The following ENOX1 variants were observed in gnomAD, a reference collection of about 807,000 sequenced individuals.
The protein encoded by ENOX1 is ecto-NOX disulfide-thiol exchanger 1.
Under a neutral mutation model 82.5 loss-of-function variants are expected in ENOX1, and 42 were observed. The ratio of observed to expected loss-of-function variants is 0.51; its 90% CI spans 0.40 to 0.66. The LOEUF is 0.66. Ranked by LOEUF, ENOX1 falls within the 30% of genes least tolerant of loss-of-function variation. ENOX1 has a pLI of 0.00. For missense variants in ENOX1, 608 were observed against 811.6 expected (o/e 0.75, Z 3.05); for synonymous variants, 271 against 282.2 (o/e 0.96, Z 0.40).
At chr13:43,744,899 C>T (rs1949936113) in intron 1 of ENOX1, among the ~76,000 whole-genome samples, 1 of 152,202 alleles carries the variant, frequency 6.6e-6, no homozygotes, top group Non-Finnish European at 1.5e-5. Context: ...ATTACATCTA[C>T]AATGCATCTT....
Position 43,540,760 on chromosome 13 carries a change from A to G in ENOX1, c.-218-56608T>C, listed in dbSNP as rs1428433815. ...ATTGTTTATTCAGTCAGCTGTGGCC[A>G]AAACTAATTAGAGGAGGCAAGAATG... On this transcript the variant is annotated intron_variant, in intron 2 of 16. Transcript: ENST00000690772. 3.9e-5 allele frequency among the ~76,000 whole-genome samples: 6 copies of G among 152,214 alleles called. No homozygotes were observed. In the East Asian group the frequency reaches 9.6e-4, roughly 24 times the overall value.
rs901433783 is a variant in ENOX1 at position 43,288,394 on chromosome 13, C to T, written c.1446+9952G>A. Among the ~76,000 whole-genome samples, 14 of 152,122 alleles carry T rather than the reference C, an allele frequency of 9.2e-5. No homozygotes were observed. In the East Asian group the frequency reaches 9.6e-4, roughly 10 times the overall value. ...AAGAAAGAAACTTAATCTGGGTTGT[C>T]GAAGAATCAGATAAACATGGGGTAT... On this transcript the variant is annotated intron_variant, in intron 12 of 16. Transcript: ENST00000690772.
intron 14 of ENOX1, among the ~76,000 whole-genome samples, chr13:43,254,005 C>A (rs540196320): frequency 6.6e-6 from 1 of 152,338 alleles, no homozygotes; most frequent in South Asian, 2.1e-4. Flanking sequence ...TTTGTATATG[C>A]ATCCCTTGTT....
Position 43,708,730 on chromosome 13 carries a change from A to G in ENOX1, c.-284-41186T>C, listed in dbSNP as rs774793144. 3.9e-4 allele frequency among the ~76,000 whole-genome samples: 59 copies of G among 152,230 alleles called. 2 individuals carry two copies. Among genetic ancestry groups the G allele is most frequent in the Admixed American group, 2.0e-4 (3 of 15,286 alleles). ...AATGAATAAATAGGCCTCACAATAT[A>G]TAGGTAAAGTAACCCAGGACGATTC... On this transcript the variant is annotated intron_variant, in intron 1 of 16. Coordinates refer to ENST00000690772, the MANE Select transcript of ENOX1 (RefSeq NM_001347969.2).
intron 8 of ENOX1, 74 bp downstream of exon 8, chr13:43,355,845 G>A: frequency 7.1e-7 from 1 of 1,400,338 alleles, no homozygotes; most frequent in Non-Finnish European, 9.9e-7. Context: ...AATGGTGGAC[G>A]CAGGAGAAAC....
At chr13:43,646,560 T>C (rs1294396389) in intron 2 of ENOX1, among the ~76,000 whole-genome samples, 1 of 152,200 alleles carries the variant, frequency 6.6e-6, no homozygotes, top group Non-Finnish European at 1.5e-5. Flanking sequence ...TGGTGGCCAC[T>C]GTTGGGTTAT....
At chr13:43,365,215 T>C (rs1018953918) in intron 5 of ENOX1, among the ~76,000 whole-genome samples, 3 of 152,184 alleles carry the variant, frequency 2.0e-5, no homozygotes, top group African/African-American at 4.8e-5. Flanking sequence ...AGATGAGAAC[T>C]AGATTTCATT....
At chr13:43,501,149 A>G (rs1298721511) in intron 2 of ENOX1, among the ~76,000 whole-genome samples, 1 of 151,808 alleles carries the variant, frequency 6.6e-6, no homozygotes, top group Non-Finnish European at 1.5e-5. Flanking sequence ...GGACACACAG[A>G]CTGAAAGTAA....
intron 14 of ENOX1, among the ~76,000 whole-genome samples, chr13:43,238,587 T>G (rs533722057): frequency 6.6e-6 from 1 of 152,024 alleles, no homozygotes; most frequent in Non-Finnish European, 1.5e-5. Context: ...GAGGTTAAGA[T>G]TGTTGAGCAG....
chr13:43,438,142 A>C (rs922694779), intron 3 of ENOX1, among the ~76,000 whole-genome samples: 1 of 152,240 alleles, frequency 6.6e-6, no homozygotes, highest in Non-Finnish European at 1.5e-5. Flanking sequence ...GGCAGGGGTC[A>C]TGCTAAGGAG....
chr13:43,435,033 A>ATTACAAACCTCT (rs2055931892), intron 3 of ENOX1, among the ~76,000 whole-genome samples: 2 of 140,016 alleles, frequency 1.4e-5, no homozygotes, highest in Admixed American at 1.6e-4. Context: ...GCAAGGAGAG[A>ATTACAAACCTCT]TTACAAACCT....
intron 1 of ENOX1, among the ~76,000 whole-genome samples, chr13:43,742,505 T>C (rs1239005016): frequency 6.6e-6 from 1 of 152,150 alleles, no homozygotes; most frequent in Admixed American, 6.6e-5. Context: ...ATTTGGGCCC[T>C]TGACAGATTA....
At chr13:43,507,194 T>C (rs1195183129) in intron 2 of ENOX1, among the ~76,000 whole-genome samples, 2 of 151,566 alleles carry the variant, frequency 1.3e-5, no homozygotes, top group East Asian at 3.9e-4. Context: ...AGACAAAGGA[T>C]ATAGAGAATC....
At chr13:43,237,005 A>G (rs2042583349) in intron 14 of ENOX1, among the ~76,000 whole-genome samples, 2 of 152,236 alleles carry the variant, frequency 1.3e-5, no homozygotes, top group Non-Finnish European at 2.9e-5. Context: ...ATTTTTGTCC[A>G]TGTTTTCATT....
At chr13:43,669,722 A>C (rs1358104378) in intron 1 of ENOX1, among the ~76,000 whole-genome samples, 1 of 152,190 alleles carries the variant, frequency 6.6e-6, no homozygotes, top group Non-Finnish European at 1.5e-5. Flanking sequence ...AGAGCTTAGA[A>C]ATGATAGGAA....
At chr13:43,407,321 T>G (rs1405468759) in intron 5 of ENOX1, among the ~76,000 whole-genome samples, 1 of 152,166 alleles carries the variant, frequency 6.6e-6, no homozygotes, top group African/African-American at 2.4e-5. Context: ...GTGAACTAGA[T>G]CATGCAGAGG....
At chr13:43,375,918 A>G (rs2051599773) in intron 5 of ENOX1, among the ~76,000 whole-genome samples, 1 of 152,208 alleles carries the variant, frequency 6.6e-6, no homozygotes, top group South Asian at 2.1e-4. Flanking sequence ...CCAGATCGGT[A>G]GGCCTCTTGC....
intron 3 of ENOX1, among the ~76,000 whole-genome samples, chr13:43,482,395 G>A (rs1372255979): frequency 6.6e-6 from 1 of 152,152 alleles, no homozygotes; most frequent in African/African-American, 2.4e-5. Flanking sequence ...GACAAGTACT[G>A]CATGATTTCA....
chr13:43,341,251 G>A (rs527262447), intron 9 of ENOX1, among the ~76,000 whole-genome samples: 1 of 151,448 alleles, frequency 6.6e-6, no homozygotes. Context: ...AGCCGAGATT[G>A]CACCACTGTA....
Sources: gnomAD v4.1 joint callset for allele counts (sites outside exome capture counted in the v4.1 genomes callset) on GRCh38, gnomAD v4.1.1 for gene constraint, MANE v1.5 for transcripts, NCBI Gene and HGNC (gene_info 2026-07-23, HGNC 2026-07-21) for gene names.